Variants in C4BPA observed in about 807,000 individuals in gnomAD.
C4BPA encodes C4b-binding protein alpha chain.
C4BPA carries 31 observed loss-of-function variants against 63.7 expected under a neutral mutation model. That is an observed-to-expected ratio of 0.49 (90% CI 0.37 to 0.66). C4BPA has a LOEUF of 0.66. Ranked by LOEUF, C4BPA falls within the 30% of genes least tolerant of loss-of-function variation. The probability of loss-of-function intolerance (pLI) is 0.00; values close to 1 mark genes in which losing one functional copy is unlikely to be tolerated. For synonymous variants in C4BPA, 259 were observed against 254.7 expected (o/e 1.02, Z -0.16); for missense variants, 572 against 723.3 (o/e 0.79, Z 2.40).
At chr1:207,105,274 T>G (rs939725371) in intron 1 of C4BPA, among the ~76,000 whole-genome samples, 5 of 151,878 alleles carry the variant, frequency 3.3e-5, no homozygotes, top group Non-Finnish European at 5.9e-5. Flanking sequence ...ATAAAGAGAT[T>G]TGGCCAGGTA....
At chr1:207,126,473 C>T (rs1271120062) in intron 6 of C4BPA, among the ~76,000 whole-genome samples, 1 of 149,130 alleles carries the variant, frequency 6.7e-6, no homozygotes, top group Non-Finnish European at 1.5e-5. Flanking sequence ...ACTTCTTCAA[C>T]TTCTCCACCA....
rs1685492940 is a variant in C4BPA, at chr1:207,144,605, A to G, written c.1682A>G (p.Asn561Ser). 2 of 1,613,412 alleles carry G rather than the reference A, an allele frequency of 1.2e-6. No homozygotes were observed. The highest frequency in any genetic ancestry group is 1.7e-6 in the Non-Finnish European group (2 of 1,179,790). ...TGKRLMQCLPNPEDVKMALEV... is the reference protein window; with the variant it reads ...TGKRLMQCLPSPEDVKMALEV... ...AAAAGACTCATGCAGTGTCTCCCAAACCCAGAGGATGTGAAAATGGCCCTG... is the reference window on the plus strand; with the variant it reads ...AAAAGACTCATGCAGTGTCTCCCAAGCCCAGAGGATGTGAAAATGGCCCTG... Residue 561 changes from asparagine to serine, a missense_variant, in exon 12 of 12, where the codon AAC becomes AGC. Around this residue, in one of 2 missense-constraint regions of C4BPA, gnomAD observed 465 missense variants for 629.4 expected, o/e 0.74. Transcript: ENST00000367070.
At position 207,143,819 on chromosome 1, in the gene C4BPA, T is replaced by C. The variant is rs562681258; in HGVS notation, c.1446T>C (p.Ala482=). The change falls in exon 11 of 12, where the codon GCT becomes GCC. Residue 482 remains alanine (A), a splice_region_variant and synonymous_variant. Coordinates refer to ENST00000367070, the MANE Select transcript of C4BPA (RefSeq NM_000715.4). ...CTTAAAAATATGTTTCCATTACAGC[T>C]CTGTGTCGGAAACCAGAATTAGTGA... ...HWSAPAPQCK[A]LCRKPELVNG... The C allele has an allele frequency of 1.9e-6, 3 of 1,608,084 alleles. No individual in the cohort carries two copies. Among genetic ancestry groups the C allele is most frequent in the Non-Finnish European group, 2.6e-6 (3 of 1,174,844 alleles).
intron 7 of C4BPA, among the ~76,000 whole-genome samples, chr1:207,128,686 G>A (rs73079139): frequency 0.058 from 8,901 of 152,256 alleles, 572 homozygotes; most frequent in African/African-American, 0.16. Flanking sequence ...AGTCTGTGCT[G>A]TCTGAGGCAT....
chr1:207,123,171 G>C (rs966599366), intron 4 of C4BPA, among the ~76,000 whole-genome samples: 1 of 152,140 alleles, frequency 6.6e-6, no homozygotes. Flanking sequence ...GGCTAGGTTG[G>C]AAAAACTACA....
intron 9 of C4BPA, among the ~76,000 whole-genome samples, chr1:207,137,348 T>C (rs1464966945): frequency 6.6e-6 from 1 of 152,166 alleles, no homozygotes; most frequent in African/African-American, 2.4e-5. Context: ...CCTCAGGAGG[T>C]CCTGATGACA....
chr1:207,141,079 C>T (rs1299893967), intron 9 of C4BPA, 27 bp from the exon 10 acceptor site: 1 of 1,584,926 alleles, frequency 6.3e-7, no homozygotes, highest in East Asian at 2.2e-5. Context: ...AACTAATGCT[C>T]TCTCACTTTT....
At chr1:207,117,477 TAGG>T (rs570162590) in intron 4 of C4BPA, among the ~76,000 whole-genome samples, 1 of 152,110 alleles carries the variant, frequency 6.6e-6, no homozygotes, top group Non-Finnish European at 1.5e-5. Flanking sequence ...AAATTAACTT[TAGG>T]AGAATAGATA....
At chr1:207,134,091 T>C (rs996080526) in intron 8 of C4BPA, among the ~76,000 whole-genome samples, 1 of 152,166 alleles carries the variant, frequency 6.6e-6, no homozygotes, top group Non-Finnish European at 1.5e-5. Context: ...CAAGCAATCC[T>C]CCCATTTTGA....
chr1:207,118,051 CA>C (rs939430831), intron 4 of C4BPA, among the ~76,000 whole-genome samples: 2 of 152,006 alleles, frequency 1.3e-5, no homozygotes, highest in African/African-American at 2.4e-5. Flanking sequence ...CAAAACCAAA[CA>C]AAAAATGTTT....
rs1428216689 is a variant in C4BPA, at chr1:207,119,756, T to C, written c.429-4166T>C. Among the ~76,000 whole-genome samples, 7 of 42,072 alleles carry C rather than the reference T, an allele frequency of 1.7e-4. 1 individual carries two copies. The highest frequency in any genetic ancestry group is 3.6e-4 in the African/African-American group (7 of 19,298). 27.6% of individuals were successfully genotyped at this position (42,072 alleles called of 152,430 possible). On this transcript the variant is annotated intron_variant, in intron 4 of 11. Coordinates refer to ENST00000367070, the MANE Select transcript of C4BPA (RefSeq NM_000715.4). Reference sequence around the variant, plus strand: ...AAAAAGAAACACAATTAATGTAATGTCCATTTATATTAAAATAAGAAAGAA... The same window carrying C: ...AAAAAGAAACACAATTAATGTAATGCCCATTTATATTAAAATAAGAAAGAA...
At chr1:207,131,769 A>G in intron 8 of C4BPA, 29 bp downstream of exon 8, 1 of 1,446,378 alleles carries the variant, frequency 6.9e-7, no homozygotes, top group Non-Finnish European at 9.6e-7. Context: ...ATATTTTTGT[A>G]TATTAAATGT....
At chr1:207,117,817 GA>G (rs1232353694) in intron 4 of C4BPA, among the ~76,000 whole-genome samples, 1 of 152,120 alleles carries the variant, frequency 6.6e-6, no homozygotes, top group Non-Finnish European at 1.5e-5. Flanking sequence ...CTGCCTTCAG[GA>G]AGAAAAGGGG....
At chr1:207,122,207 CA>C (rs1182051568) in intron 4 of C4BPA, among the ~76,000 whole-genome samples, 1 of 151,244 alleles carries the variant, frequency 6.6e-6, no homozygotes, top group Non-Finnish European at 1.5e-5. Flanking sequence ...TGGTGGTTTC[CA>C]AAAAAAAGTC....
At chr1:207,136,567 G>A (rs1383955318) in intron 9 of C4BPA, among the ~76,000 whole-genome samples, 1 of 152,144 alleles carries the variant, frequency 6.6e-6, no homozygotes, top group Non-Finnish European at 1.5e-5. Context: ...TTCTTTGGGT[G>A]CACCATCTAT....
At chr1:207,124,404 C>CA in intron 6 of C4BPA, 38 bp downstream of exon 6, 1 of 1,491,200 alleles carries the variant, frequency 6.7e-7, no homozygotes, top group Non-Finnish European at 9.2e-7. Flanking sequence ...AAAATGTTTG[C>CA]TCTCTTTTGT....
chr1:207,114,203 C>T lies in C4BPA; in HGVS notation c.246C>T (p.Leu82=). 1 of 1,613,816 alleles carries T rather than the reference C, an allele frequency of 6.2e-7. No homozygotes were observed. The highest frequency in any genetic ancestry group is 8.5e-7 in the Non-Finnish European group (1 of 1,179,784). Residue 82 remains leucine, a synonymous_variant, in exon 3 of 12, where the codon CTC becomes CTT. Coordinates refer to ENST00000367070, the MANE Select transcript of C4BPA (RefSeq NM_000715.4). ...GAACTACTCTGAAATACACCTGCCT[C>T]CCTGGCTACGTCAGATCCCATTCAA... ...KTGTTLKYTC[L]PGYVRSHSTQ...
chr1:207,143,919 GGTGT>G lies in C4BPA; in HGVS notation c.1548_1551del (p.Val517LeufsTer48). The G allele has an allele frequency of 6.2e-7, 1 of 1,612,514 alleles. No homozygotes were observed. Among genetic ancestry groups the G allele is most frequent in the Non-Finnish European group, 8.5e-7 (1 of 1,179,314 alleles). ...CACCATCCAATGTGATTCTGGCTAT[GGTGT>G]GGTTGGTCCCCAAAGTATCACTTGC... On this transcript the variant is annotated frameshift_variant, in exon 11 of 12. Coordinates refer to ENST00000367070, the MANE Select transcript of C4BPA (RefSeq NM_000715.4). LOFTEE classifies it high-confidence loss of function.
chr1:207,113,241 A>G, intron 2 of C4BPA, 74 bp downstream of exon 2: 1 of 1,496,956 alleles, frequency 6.7e-7, no homozygotes, highest in South Asian at 1.2e-5. Context: ...TTAAGGCTAA[A>G]AAAAATGATG....
Sources: gnomAD v4.1 joint callset for allele counts (sites outside exome capture counted in the v4.1 genomes callset) on GRCh38, gnomAD v4.1.1 for gene constraint, gnomAD v4.1.1 regional missense constraint, MANE v1.5 for transcripts, NCBI Gene and HGNC (gene_info 2026-07-23, HGNC 2026-07-21) for gene names.